Variants in TNRC6A observed in about 807,000 individuals in gnomAD.
TNRC6A encodes trinucleotide repeat containing adaptor 6A.
In TNRC6A, 44 loss-of-function variants were observed where a neutral mutation model predicts 221.2. The ratio of observed to expected loss-of-function variants is 0.20; its 90% CI spans 0.16 to 0.26. TNRC6A has a LOEUF of 0.26. Ranked by LOEUF, TNRC6A falls within the 10% of genes least tolerant of loss-of-function variation. TNRC6A has a pLI of 1.00. For synonymous variants in TNRC6A, 847 were observed against 838.5 expected (o/e 1.01, Z -0.18); for missense variants, 2,199 against 2,404.4 (o/e 0.91, Z 1.79).
chr16:24,641,309 C>G (rs181858434), intron 2 of TNRC6A, among the ~76,000 whole-genome samples: 1 of 152,158 alleles, frequency 6.6e-6, no homozygotes. Flanking sequence ...TTCTGCGACC[C>G]ATGCTCTTTC....
intron 2 of TNRC6A, among the ~76,000 whole-genome samples, chr16:24,747,223 C>T (rs569885223): frequency 4.1e-4 from 62 of 152,294 alleles, no homozygotes; most frequent in Non-Finnish European, 6.9e-4. Flanking sequence ...CAAATGTATA[C>T]ACCCTTGTAA....
At position 24,702,886 on chromosome 16, in the gene TNRC6A, T is replaced by A. The variant is rs1171692886; in HGVS notation, n.403-47840T>A. On this transcript the variant is annotated intron_variant and non_coding_transcript_variant, in intron 2 of 2. Coordinates refer to the TNRC6A transcript ENST00000566108. The stretch of plus-strand genomic sequence containing the variant: ...CCGTCCCTACTAAAAATACAAAAAA[T>A]TAGCTGAGCGTGGTGGCGGGCACCT... Among the ~76,000 whole-genome samples the A allele has an allele frequency of 2.7e-5, 4 of 147,872 alleles. No homozygotes were observed. The South Asian group carries it at 6.4e-4, about 24-fold the overall frequency.
chr16:24,702,115 T>C (rs1369267814), intron 2 of TNRC6A, among the ~76,000 whole-genome samples: 13 of 148,954 alleles, frequency 8.7e-5, no homozygotes, highest in African/African-American at 1.3e-4. Flanking sequence ...TTCTTTTTTT[T>C]TTTTTTTTTT....
At position 24,804,551 on chromosome 16, in the gene TNRC6A, T is replaced by C. The variant is rs571392593; in HGVS notation, c.3838-154T>C. 20 of 1,258,946 alleles carry C rather than the reference T, an allele frequency of 1.6e-5. 1 individual carries two copies. Among genetic ancestry groups the C allele is most frequent in the Middle Eastern group, 5.0e-4 (2 of 3,986 alleles). 78.0% of individuals were successfully genotyped at this position (1,258,946 alleles called of 1,614,324 possible). ...AATATGTTTGGCTCTTTTTGTGTGC[T>C]CTAGAATTAACACTAATCCGATCTC... On this transcript the variant is annotated intron_variant, in intron 12 of 24. Transcript: ENST00000395799.
chr16:24,782,984 T>G (rs1449345891), intron 5 of TNRC6A, among the ~76,000 whole-genome samples: 1 of 152,242 alleles, frequency 6.6e-6, no homozygotes, highest in African/African-American at 2.4e-5. Flanking sequence ...TTATTTACTT[T>G]CGAAGCTCTT....
intron 10 of TNRC6A, 98 bp downstream of exon 10, chr16:24,797,668 C>G (rs1331443976): frequency 5.4e-6 from 6 of 1,105,242 alleles, no homozygotes; most frequent in Non-Finnish European, 7.7e-6. Flanking sequence ...ATCTTCGAGT[C>G]CTTAGGAATG....
In TNRC6A at chr16:24,692,683, C is replaced by T. The variant is rs894972732; in HGVS notation, n.402+51674C>T. On this transcript the variant is annotated intron_variant and non_coding_transcript_variant, in intron 2 of 2. Transcript: ENST00000566108. ...AGCCGTGATTGTGCCACTGCATTCC[C>T]ACCTAGGCAACAGAGCAAGACCCTG... Among the ~76,000 whole-genome samples the T allele has an allele frequency of 2.6e-5, 4 of 151,756 alleles. No individual in the cohort carries two copies. In the South Asian group the frequency reaches 8.5e-4, roughly 32 times the overall value.
chr16:24,686,962 A>C (rs1201762843), intron 2 of TNRC6A, among the ~76,000 whole-genome samples: 1 of 152,096 alleles, frequency 6.6e-6, no homozygotes, highest in Admixed American at 6.6e-5. Context: ...CAGCTCTACC[A>C]CTTACTAGCT....
chr16:24,742,154 A>G (rs553561453), intron 2 of TNRC6A, among the ~76,000 whole-genome samples: 5 of 152,210 alleles, frequency 3.3e-5, no homozygotes, highest in Non-Finnish European at 7.3e-5. Flanking sequence ...CACTTTTTAC[A>G]TGCATCTGTT....
intron 2 of TNRC6A, among the ~76,000 whole-genome samples, chr16:24,645,426 GTT>G (rs1256518992): frequency 2.0e-5 from 3 of 151,712 alleles, no homozygotes; most frequent in Non-Finnish European, 4.4e-5. Flanking sequence ...GGAGGCAGAG[GTT>G]GCAGTGAGCC....
intron 2 of TNRC6A, among the ~76,000 whole-genome samples, chr16:24,653,673 GGGAGGCTGAAGCACGAGAATCACT>G (rs757709824): frequency 2.2e-4 from 34 of 152,026 alleles, no homozygotes; most frequent in Non-Finnish European, 4.3e-4. Flanking sequence ...CCAGCTACTT[GGGAGGCTGAAGCACGAGAATCACT>G]GGATCCCAGG....
chr16:24,690,424 A>G (rs1489984622), intron 2 of TNRC6A, among the ~76,000 whole-genome samples: 1 of 152,200 alleles, frequency 6.6e-6, no homozygotes, highest in Non-Finnish European at 1.5e-5. Context: ...CCTCAACAAA[A>G]AGCTTCAAGG....
chr16:24,704,606 A>T (rs909850773), intron 2 of TNRC6A, among the ~76,000 whole-genome samples: 1 of 137,272 alleles, frequency 7.3e-6, no homozygotes, highest in Non-Finnish European at 1.5e-5. Flanking sequence ...TGGAGGTTAC[A>T]GTGAGCCAAC....
At chr16:24,732,601 C>T (rs1567400627) in intron 2 of TNRC6A, among the ~76,000 whole-genome samples, 1 of 152,088 alleles carries the variant, frequency 6.6e-6, no homozygotes, top group East Asian at 1.9e-4. Flanking sequence ...TTTTAGGCTT[C>T]GAACTTGCAA....
chr16:24,804,808 C>T lies in TNRC6A; in HGVS notation c.3941C>T (p.Ser1314Phe), dbSNP rs1567503892. ...NSALPNQALG[S>F]IAGLGMQNLN... ...GCACTACCTAACCAGGCCCTTGGCTCCATAGCAGGGCTGGGTATGCAAAAC... is the reference window on the plus strand; with the variant it reads ...GCACTACCTAACCAGGCCCTTGGCTTCATAGCAGGGCTGGGTATGCAAAAC... The change falls in exon 13 of 25, where the codon TCC becomes TTC. Residue 1314 changes from serine to phenylalanine, a missense_variant. Coordinates refer to ENST00000395799, the MANE Select transcript of TNRC6A (RefSeq NM_014494.4). 2 of 1,612,294 alleles carry T rather than the reference C, an allele frequency of 1.2e-6. No homozygotes were observed. The highest frequency in any genetic ancestry group is 2.2e-5 in the East Asian group (1 of 44,876).
chr16:24,808,384 C>T (rs1009391698), intron 17 of TNRC6A, among the ~76,000 whole-genome samples: 4 of 152,226 alleles, frequency 2.6e-5, no homozygotes, highest in Admixed American at 6.5e-5. Context: ...CCAAATTTGG[C>T]CCACTGCCTG....
intron 2 of TNRC6A, among the ~76,000 whole-genome samples, chr16:24,692,559 A>G (rs1044236062): frequency 1.3e-5 from 2 of 151,904 alleles, no homozygotes; most frequent in African/African-American, 2.4e-5. Flanking sequence ...GACAGCGTGA[A>G]CCTCCATCTC....
chr16:24,799,355 C>G lies in TNRC6A; in HGVS notation c.3694+1389C>G, dbSNP rs561432335. 2.6e-5 allele frequency among the ~76,000 whole-genome samples: 4 copies of G among 152,298 alleles called. No individual in the cohort carries two copies. The South Asian group carries it at 8.3e-4, about 32-fold the overall frequency. ...TTTGACTACTCACCTTCCATATGTACTCTTCTGCACGCATTTGTCCGGTAC... is the reference window on the plus strand; with the variant it reads ...TTTGACTACTCACCTTCCATATGTAGTCTTCTGCACGCATTTGTCCGGTAC... On this transcript the variant is annotated intron_variant, in intron 11 of 24. Transcript: ENST00000395799.
intron 2 of TNRC6A, chr16:24,671,129 G>A: frequency 4.3e-6 from 1 of 230,648 alleles, no homozygotes; most frequent in Non-Finnish European, 9.7e-6. Flanking sequence ...CAATGACGAA[G>A]CACCCGCCTG....
Sources: allele counts gnomAD v4.1 joint callset (sites outside exome capture counted in the v4.1 genomes callset), GRCh38; gene constraint gnomAD v4.1.1; transcripts MANE v1.5; gene names NCBI Gene and HGNC (gene_info 2026-07-23, HGNC 2026-07-21).